Variants in SETD2 observed in about 807,000 individuals in gnomAD.
The protein encoded by SETD2 is histone-lysine N-methyltransferase SETD2.
SETD2 carries 31 observed loss-of-function variants against 242.1 expected under a neutral mutation model. The observed-to-expected ratio is 0.13, with a 90% CI of 0.10 to 0.17. SETD2 has a LOEUF of 0.17. Among genes scored for constraint, SETD2 ranks in the 10% least tolerant of loss-of-function variants. The pLI is 1.00. For missense variants in SETD2, 2,481 were observed against 3,046.3 expected, an observed-to-expected ratio of 0.81 and a Z score of 4.37; for synonymous variants, 1,006 against 1,066.5, an observed-to-expected ratio of 0.94 and a Z score of 1.11.
chr3:47,122,643 T>G lies in SETD2; in HGVS notation c.1993A>C (p.Ser665Arg). ...LSKVKNDQLR[S>R]FCPIELNING... The stretch of plus-strand genomic sequence containing the variant: ...ATATTTAATTCTATGGGACAAAAAC[T>G]TCTTAATTGATCATTCTTCACTTTA... Residue 665 changes from serine to arginine, a missense_variant, in exon 3 of 21, where the codon AGT becomes CGT. By Grantham distance (110) the Ser-to-Arg change is moderately radical (BLOSUM62 -1). This residue lies in a region of SETD2 where 1,300 missense variants were observed against 1,259.2 expected (regional missense o/e 1.03). Transcript: ENST00000409792. The G allele has an allele frequency of 6.2e-7, 1 of 1,613,460 alleles. No homozygotes were observed. The highest frequency in any genetic ancestry group is 8.5e-7 in the Non-Finnish European group (1 of 1,179,480).
chr3:47,076,721 A>C (rs2041093814), intron 12 of SETD2, among the ~76,000 whole-genome samples: 1 of 152,266 alleles, frequency 6.6e-6, no homozygotes, highest in African/African-American at 2.4e-5. Flanking sequence ...ATTCAAAAGA[A>C]AAAAAAGTAT....
chr3:47,092,182 T>C (rs1271497067), intron 9 of SETD2, among the ~76,000 whole-genome samples: 3 of 152,200 alleles, frequency 2.0e-5, no homozygotes, highest in East Asian at 3.8e-4. Flanking sequence ...TGAATAACCC[T>C]TGAACATTCC....
At chr3:47,048,549 C>G (rs2039638173) in intron 15 of SETD2, among the ~76,000 whole-genome samples, 1 of 151,744 alleles carries the variant, frequency 6.6e-6, no homozygotes, top group African/African-American at 2.4e-5. Flanking sequence ...TTGGGCTACA[C>G]TAAGTTTATT....
chr3:47,085,501 G>A (rs2041515131), intron 11 of SETD2, among the ~76,000 whole-genome samples: 1 of 152,156 alleles, frequency 6.6e-6, no homozygotes, highest in African/African-American at 2.4e-5. Context: ...TTTTTCTGAA[G>A]TATTCCTCAA....
rs2040098278 is a variant in SETD2, at chr3:47,056,748, C to T, written c.6963+73G>A. 6 of 1,205,528 alleles carry T rather than the reference C, an allele frequency of 5.0e-6. No homozygotes were observed. In the South Asian group the frequency reaches 8.2e-5, roughly 16 times the overall value. 74.7% of individuals were successfully genotyped at this position (1,205,528 alleles called of 1,614,324 possible). A position where few individuals can be genotyped will look rare whatever the true frequency, so the allele number is the denominator to read the frequency against. On this transcript the variant is annotated intron_variant, in intron 15 of 20. Coordinates refer to ENST00000409792, the MANE Select transcript of SETD2 (RefSeq NM_014159.7). ...AAGTAGTCCATGGTAAGACTTCCTC[C>T]CCTATACCAGATTTAACTAACATCC...
chr3:47,123,176 G>T lies in SETD2; in HGVS notation c.1460C>A (p.Ser487Tyr), dbSNP rs2043175871. The T allele has an allele frequency of 6.2e-7, 1 of 1,605,572 alleles. No individual in the cohort carries two copies. The highest frequency in any genetic ancestry group is 1.1e-5 in the South Asian group (1 of 90,324). The change falls in exon 3 of 21, where the codon TCC becomes TAC. Residue 487 changes from serine to tyrosine, a missense_variant. Around this residue, in one of 17 missense-constraint regions of SETD2, gnomAD observed 1,300 missense variants for 1,259.2 expected, o/e 1.03. Coordinates refer to ENST00000409792, the MANE Select transcript of SETD2 (RefSeq NM_014159.7). Reference protein sequence around the residue: ...SSSYRDLRTSSYSKSDRDCKT... With the variant: ...SSSYRDLRTSYYSKSDRDCKT... Reference sequence around the variant, plus strand: ...ACAGTCCCGATCAGATTTAGAATAGGATGATGTCCTTAGGTCTCTGTAAGA... The same window carrying T: ...ACAGTCCCGATCAGATTTAGAATAGTATGATGTCCTTAGGTCTCTGTAAGA...
intron 18 of SETD2, among the ~76,000 whole-genome samples, chr3:47,031,379 G>A (rs140290910): frequency 1.3e-5 from 2 of 152,278 alleles, no homozygotes; most frequent in Admixed American, 6.5e-5. Context: ...GAAACTCTCC[G>A]TACTTCCTGT....
intron 1 of SETD2, among the ~76,000 whole-genome samples, chr3:47,153,896 A>G (rs2044061363): frequency 6.6e-6 from 1 of 152,178 alleles, no homozygotes; most frequent in Admixed American, 6.6e-5. Flanking sequence ...ATAAGTACAG[A>G]TTTTTTAAAA....
At chr3:47,066,745 CA>C (rs2040572996) in intron 13 of SETD2, among the ~76,000 whole-genome samples, 1 of 145,706 alleles carries the variant, frequency 6.9e-6, no homozygotes, top group Non-Finnish European at 1.5e-5. Flanking sequence ...AAAAAAAAAT[CA>C]AAATCACAAT....
rs368465960 is a variant in SETD2, at chr3:47,123,456, A to T, written c.1180T>A (p.Cys394Ser). The change falls in exon 3 of 21, where the codon TGT becomes AGT. Residue 394 changes from cysteine to serine, a missense_variant. This residue lies in a region of SETD2 where 1,300 missense variants were observed against 1,259.2 expected (regional missense o/e 1.03). Transcript: ENST00000409792. ...CGCCGTCGCTCTCTTTCTGATCTAC[A>T]TCGGGAAGATACATACCGAGTATCT... ...ERDTRYVSSR[C>S]RSERERRRSR... 1.9e-6 allele frequency: 3 copies of T among 1,551,536 alleles called. No homozygotes were observed. The highest frequency in any genetic ancestry group is 2.6e-6 in the Non-Finnish European group (3 of 1,146,978).
rs1412480962 is a variant in SETD2 at position 47,126,497 on chromosome 3, A to G, written c.87+151T>C. ...ACATCCCTCACTGGGATAAGTTACC[A>G]TGGCTCTAAAAACAAAATTAAAAAC... On this transcript the variant is annotated intron_variant, in intron 2 of 20. Coordinates refer to ENST00000409792, the MANE Select transcript of SETD2 (RefSeq NM_014159.7). 6.2e-6 allele frequency: 3 copies of G among 485,506 alleles called. No homozygotes were observed. The East Asian group carries it at 9.2e-5, about 15-fold the overall frequency. 30.1% of individuals were successfully genotyped at this position (485,506 alleles called of 1,614,324 possible).
intron 1 of SETD2, among the ~76,000 whole-genome samples, chr3:47,129,893 G>A (rs1261326374): frequency 4.0e-5 from 6 of 150,004 alleles, no homozygotes; most frequent in South Asian, 2.1e-4. Flanking sequence ...AAAAAAAAAA[G>A]AAAAAAGAAA....
chr3:47,092,069 G>C (rs568266571), intron 9 of SETD2, among the ~76,000 whole-genome samples: 2 of 151,998 alleles, frequency 1.3e-5, no homozygotes, highest in African/African-American at 4.8e-5. Flanking sequence ...ATTGTGTAAG[G>C]CATTTCCAGG....
chr3:47,023,295 G>A (rs1165754909), intron 18 of SETD2, among the ~76,000 whole-genome samples: 2 of 152,186 alleles, frequency 1.3e-5, no homozygotes, highest in Non-Finnish European at 2.9e-5. Context: ...AGCTACTCGG[G>A]AGGCTGAGGC....
intron 6 of SETD2, 94 bp from the exon 7 acceptor site, chr3:47,103,517 T>TA (rs2042294083): frequency 4.1e-5 from 38 of 923,646 alleles, no homozygotes; most frequent in South Asian, 5.7e-5. Context: ...ATGCATCAAT[T>TA]AAAAAAAAGA....
chr3:47,038,112 A>T (rs1270731932), intron 17 of SETD2, among the ~76,000 whole-genome samples: 1 of 152,218 alleles, frequency 6.6e-6, no homozygotes, highest in Non-Finnish European at 1.5e-5. Flanking sequence ...ATGTACAGGA[A>T]ATAGGTCCCT....
At chr3:47,132,131 CTTT>C (rs531246872) in intron 1 of SETD2, among the ~76,000 whole-genome samples, 2 of 129,574 alleles carry the variant, frequency 1.5e-5, no homozygotes. Context: ...ATACACATAT[CTTT>C]TTTTTTTTTT....
At position 47,126,639 on chromosome 3, in the gene SETD2, T is replaced by C; in HGVS notation, c.87+9A>G. 1 of 1,332,470 alleles carries C rather than the reference T, an allele frequency of 7.5e-7. No homozygotes were observed. Among genetic ancestry groups the C allele is most frequent in the Non-Finnish European group, 1.0e-6 (1 of 953,800 alleles). The allele number at this position is 1,332,470 out of a possible 1,614,324, so 82.5% of individuals were successfully genotyped here. A position where few individuals can be genotyped will look rare whatever the true frequency, so the allele number is the denominator to read the frequency against. Reference sequence around the variant, plus strand: ...ATAATCATTGAATGACTAGTTAAATTATACTTACCTCATTTTCTTCTTCTC... The same window carrying C: ...ATAATCATTGAATGACTAGTTAAATCATACTTACCTCATTTTCTTCTTCTC... On this transcript the variant is annotated intron_variant, in intron 2 of 20. Transcript: ENST00000409792.
chr3:47,034,305 G>A (rs1426814765), intron 18 of SETD2, among the ~76,000 whole-genome samples: 1 of 152,088 alleles, frequency 6.6e-6, no homozygotes, highest in Non-Finnish European at 1.5e-5. Context: ...AGTATTAGGA[G>A]GAATGTTTTC....
Sources: gnomAD v4.1 joint callset for allele counts (sites outside exome capture counted in the v4.1 genomes callset) on GRCh38, gnomAD v4.1.1 for gene constraint, gnomAD v4.1.1 regional missense constraint, MANE v1.5 for transcripts, NCBI Gene and HGNC (gene_info 2026-07-23, HGNC 2026-07-21) for gene names.